The following AMD1 variants were observed in gnomAD, a reference collection of about 807,000 sequenced individuals.
The protein encoded by AMD1 is adenosylmethionine decarboxylase 1.
Under a neutral mutation model 40.2 loss-of-function variants are expected in AMD1, and 11 were observed. That is an observed-to-expected ratio of 0.27 (90% CI 0.17 to 0.45). AMD1 has a LOEUF of 0.45. AMD1 is among the 20% of genes least tolerant of loss of function. AMD1 has a pLI of 1.00. For missense variants in AMD1, 257 were observed against 410.2 expected, an observed-to-expected ratio of 0.63 and a Z score of 3.23; for synonymous variants, 121 against 130.8, an observed-to-expected ratio of 0.93 and a Z score of 0.51.
At chr6:110,830,097 C>T in the AMD1 span, among the ~76,000 whole-genome samples, 1 of 152,030 alleles carries the variant, frequency 6.6e-6, no homozygotes, top group Non-Finnish European at 1.5e-5. Flanking sequence ...TCACTGCAAC[C>T]TCCACCTCCT....
At chr6:110,877,859 TAAAC>T (rs776004271) in intron 1 of AMD1, among the ~76,000 whole-genome samples, 3 of 152,244 alleles carry the variant, frequency 2.0e-5, no homozygotes, top group East Asian at 1.9e-4. Context: ...CAGATGGAAT[TAAAC>T]AAATCTGTTT....
chr6:110,870,484 A>G (rs1784895198), upstream of AMD1, among the ~76,000 whole-genome samples: 1 of 151,988 alleles, frequency 6.6e-6, no homozygotes, highest in Non-Finnish European at 1.5e-5. Context: ...TTAGCCAGGC[A>G]TGGTGGCACT....
Position 110,894,415 on chromosome 6 carries a change from C to T in AMD1, c.*799C>T, listed in dbSNP as rs1786196796. ...TAAAGGGCATGGGAATTTAGCCTCTCTTTTATTGTAATGTGCTCTTTTGGA... is the reference window on the plus strand; with the variant it reads ...TAAAGGGCATGGGAATTTAGCCTCTTTTTTATTGTAATGTGCTCTTTTGGA... On this transcript the variant is annotated 3_prime_UTR_variant, in exon 9 of 9. Coordinates refer to ENST00000368885, the MANE Select transcript of AMD1 (RefSeq NM_001634.6). 2.0e-5 allele frequency: 3 copies of T among 152,456 alleles called. No homozygotes were observed. The highest frequency in any genetic ancestry group is 7.2e-5 in the African/African-American group (3 of 41,420). 9.4% of individuals were successfully genotyped at this position (152,456 alleles called of 1,614,324 possible). A position where few individuals can be genotyped will look rare whatever the true frequency, so the allele number is the denominator to read the frequency against.
chr6:110,814,885 C>A, the AMD1 span: 1 of 1,338,744 alleles, frequency 7.5e-7, no homozygotes, highest in Middle Eastern at 1.9e-4. Flanking sequence ...CCGGACGCAA[C>A]CCCGCGACCC....
At chr6:110,869,170 GCC>G in the AMD1 span, among the ~76,000 whole-genome samples, 1 of 151,670 alleles carries the variant, frequency 6.6e-6, no homozygotes, top group East Asian at 2.0e-4. Flanking sequence ...TCTCTCTGTA[GCC>G]CAGGCTGGAG....
intron 3 of AMD1, chr6:110,889,825 G>C (rs935496554): frequency 6.5e-6 from 1 of 154,952 alleles, no homozygotes; most frequent in African/African-American, 2.4e-5. Context: ...GTTATGAATT[G>C]ATCCTTGTAA....
chr6:110,874,584 G>A (rs991683348), upstream of AMD1, among the ~76,000 whole-genome samples: 2 of 151,404 alleles, frequency 1.3e-5, no homozygotes, highest in Non-Finnish European at 2.9e-5. Flanking sequence ...TCCCACTCAG[G>A]AGCCGGCCAG....
the AMD1 span, among the ~76,000 whole-genome samples, chr6:110,840,099 A>G: frequency 2.0e-5 from 3 of 146,782 alleles, no homozygotes; most frequent in African/African-American, 7.6e-5. Flanking sequence ...GCTCACTGCA[A>G]CCTCCACCTC....
At chr6:110,831,987 G>C in the AMD1 span, among the ~76,000 whole-genome samples, 12 of 150,920 alleles carry the variant, frequency 8.0e-5, no homozygotes, top group African/African-American at 2.9e-4. Flanking sequence ...GGGACTACAG[G>C]TGCAAGCCAC....
chr6:110,861,653 C>A, the AMD1 span, among the ~76,000 whole-genome samples: 2 of 151,858 alleles, frequency 1.3e-5, no homozygotes. Context: ...ACCAGCCTGG[C>A]CAACATAGTG....
the AMD1 span, among the ~76,000 whole-genome samples, chr6:110,843,736 C>T: frequency 1.3e-5 from 2 of 152,130 alleles, no homozygotes; most frequent in South Asian, 2.1e-4. Context: ...CAGGCGTGCA[C>T]CACCACACCT....
chr6:110,827,590 C>T, the AMD1 span, among the ~76,000 whole-genome samples: 2 of 152,022 alleles, frequency 1.3e-5, no homozygotes, highest in African/African-American at 2.4e-5. Flanking sequence ...CATGGTGAAA[C>T]CCCGTCTCTA....
the AMD1 span, among the ~76,000 whole-genome samples, chr6:110,831,686 T>A: frequency 6.6e-6 from 1 of 152,164 alleles, no homozygotes; most frequent in Non-Finnish European, 1.5e-5. Context: ...GGAGCCAATG[T>A]TTGCATTGGG....
At chr6:110,890,178 T>C in intron 3 of AMD1, 76 bp from the exon 4 acceptor site, 1 of 1,131,458 alleles carries the variant, frequency 8.8e-7, no homozygotes. Flanking sequence ...GGACAATAGT[T>C]GATTAGCTTC....
chr6:110,877,684 T>C (rs1785189874), intron 1 of AMD1, among the ~76,000 whole-genome samples: 1 of 152,254 alleles, frequency 6.6e-6, no homozygotes, highest in African/African-American at 2.4e-5. Context: ...ATAAATAAGT[T>C]AATATGTTAT....
At chr6:110,893,127 A>G in intron 8 of AMD1, 62 bp downstream of exon 8, 1 of 1,405,188 alleles carries the variant, frequency 7.1e-7, no homozygotes, top group Non-Finnish European at 9.7e-7. Context: ...AGGAAATGAG[A>G]CAGTGAGGCC....
upstream of AMD1, among the ~76,000 whole-genome samples, chr6:110,870,907 C>CT (rs1215465466): frequency 6.6e-6 from 1 of 152,156 alleles, no homozygotes; most frequent in Non-Finnish European, 1.5e-5. Context: ...AAACCTTAAT[C>CT]TTTGAGTTAT....
chr6:110,863,484 C>T, the AMD1 span, among the ~76,000 whole-genome samples: 1 of 151,340 alleles, frequency 6.6e-6, no homozygotes, highest in Non-Finnish European at 1.5e-5. Context: ...ATTCTCCTGT[C>T]TCAGCCTCCT....
chr6:110,878,958 T>C (rs1417817167), intron 1 of AMD1, among the ~76,000 whole-genome samples: 4 of 152,196 alleles, frequency 2.6e-5, no homozygotes, highest in Admixed American at 6.5e-5. Context: ...TAATTTACAT[T>C]GAAGGAATTT....
Sources: allele counts gnomAD v4.1 joint callset (sites outside exome capture counted in the v4.1 genomes callset), GRCh38; gene constraint gnomAD v4.1.1; transcripts MANE v1.5; gene names NCBI Gene and HGNC (gene_info 2026-07-23, HGNC 2026-07-21).